TNS1: variants seen among roughly 807,000 people sequenced by gnomAD.
TNS1 encodes tensin 1, also known as tensin-1.
TNS1 carries 62 observed loss-of-function variants against 168.6 expected under a neutral mutation model. That is an observed-to-expected ratio of 0.37 (90% confidence interval 0.30 to 0.45). The LOEUF (loss-of-function observed/expected upper bound fraction) is 0.45, where lower values mean the gene tolerates loss of function less well. Among genes scored for constraint, TNS1 ranks in the 20% least tolerant of loss-of-function variants. The pLI is 1.00. For missense variants in TNS1, 2,240 were observed against 2,339.4 expected (o/e 0.96, Z 0.88); for synonymous variants, 934 against 933.2 (o/e 1.00, Z -0.02).
chr2:217,912,515 G>A (rs1575056081), intron 4 of TNS1, among the ~76,000 whole-genome samples: 2 of 152,208 alleles, frequency 1.3e-5, no homozygotes, highest in African/African-American at 2.4e-5. Flanking sequence ...GGTCACCATC[G>A]CACTGCCTAT....
chr2:217,846,913 C>T (rs899951514), intron 19 of TNS1, among the ~76,000 whole-genome samples: 10 of 152,246 alleles, frequency 6.6e-5, no homozygotes, highest in South Asian at 2.1e-4. Flanking sequence ...GGCCTCCCCG[C>T]CCCAGCAGAT....
intron 3 of TNS1, among the ~76,000 whole-genome samples, chr2:217,972,043 C>T (rs531452518): frequency 9.2e-5 from 14 of 152,282 alleles, no homozygotes; most frequent in African/African-American, 3.4e-4. Flanking sequence ...TAGGAGAAGG[C>T]CAGAAGAATA....
upstream of TNS1, among the ~76,000 whole-genome samples, chr2:218,014,400 C>T (rs1269983510): frequency 6.6e-6 from 1 of 152,190 alleles, no homozygotes; most frequent in African/African-American, 2.4e-5. Context: ...AACTTCCAAG[C>T]AGGTTCCCAG....
At chr2:217,922,500 C>T (rs996979057) in intron 3 of TNS1, among the ~76,000 whole-genome samples, 1 of 152,216 alleles carries the variant, frequency 6.6e-6, no homozygotes, top group Admixed American at 6.5e-5. Context: ...CCTGCCACTG[C>T]CAGGGCCCCA....
chr2:217,873,456 G>T (rs1484100588), intron 18 of TNS1, among the ~76,000 whole-genome samples: 4 of 152,204 alleles, frequency 2.6e-5, no homozygotes, highest in Non-Finnish European at 4.4e-5. Context: ...AAAGACAGGG[G>T]CCTAACTGTG....
In TNS1 at chr2:217,810,245, C is replaced by G. The variant is rs540000269; in HGVS notation, c.5104+3G>C. The G allele has an allele frequency of 2.0e-5, 33 of 1,613,896 alleles. No homozygotes were observed. In the South Asian group the frequency reaches 3.4e-4, roughly 17 times the overall value. On this transcript the variant is annotated splice_donor_region_variant and intron_variant, in intron 29 of 32. Transcript: ENST00000682258. ...ATGGGTACAGTTTCAGGTGACCACT[C>G]ACCTGCCCCTTGTTTCAGCAGGTCT...
chr2:217,813,612 C>G lies in TNS1; in HGVS notation c.4861+73G>C. On this transcript the variant is annotated intron_variant, in intron 26 of 32. Transcript: ENST00000682258. This position sits in a 1 kb window ranked among gnomAD's most constrained non-coding sequence, Gnocchi z 4.0. ...AAGGTCCTGCCCAGCACCCTGGGTC[C>G]CTCCAGCACCTCCAGGTTTAGCGAC... 3 of 1,528,630 alleles carry G rather than the reference C, an allele frequency of 2.0e-6. No individual in the cohort carries two copies. In the Admixed American group the frequency reaches 6.3e-5, roughly 32 times the overall value. 94.7% of individuals were successfully genotyped at this position (1,528,630 alleles called of 1,614,324 possible).
intron 3 of TNS1, among the ~76,000 whole-genome samples, chr2:217,976,865 G>A (rs1448038987): frequency 6.6e-6 from 1 of 152,212 alleles, no homozygotes; most frequent in Non-Finnish European, 1.5e-5. Flanking sequence ...TGGCAGGCAA[G>A]GATGGAGAAA....
chr2:217,966,039 C>T (rs1286449740), intron 3 of TNS1, among the ~76,000 whole-genome samples: 1 of 152,172 alleles, frequency 6.6e-6, no homozygotes, highest in Non-Finnish European at 1.5e-5. Flanking sequence ...TCTCCATCTC[C>T]CATTTGCCCT....
At chr2:217,997,075 T>C (rs928328977) in intron 1 of TNS1, among the ~76,000 whole-genome samples, 1 of 152,030 alleles carries the variant, frequency 6.6e-6, no homozygotes, top group Non-Finnish European at 1.5e-5. Flanking sequence ...CTTGTCCAGC[T>C]TCTAGGCACA....
At chr2:217,936,721 GA>G (rs1559374788) in intron 3 of TNS1, among the ~76,000 whole-genome samples, 1 of 151,918 alleles carries the variant, frequency 6.6e-6, no homozygotes, top group Non-Finnish European at 1.5e-5. Flanking sequence ...CCCCCATCTT[GA>G]GCCCCAAGCA....
At chr2:217,886,168 G>T in intron 13 of TNS1, 64 bp from the exon 14 acceptor site, 1 of 1,540,918 alleles carries the variant, frequency 6.5e-7, no homozygotes, top group Non-Finnish European at 9.0e-7. Flanking sequence ...GGGCAGAGGA[G>T]ACAGTGAAGG....
In TNS1 at chr2:218,032,327, A is replaced by AAGGAGGAGGACAGCCTGCTTGTGG. The variant is rs1958905061; in HGVS notation, c.156+1469_156+1492dup. Among the ~76,000 whole-genome samples, 3 of 152,038 alleles carry AAGGAGGAGGACAGCCTGCTTGTGG rather than the reference A, an allele frequency of 2.0e-5. No individual in the cohort carries two copies. Among genetic ancestry groups the AAGGAGGAGGACAGCCTGCTTGTGG allele is most frequent in the Non-Finnish European group, 2.9e-5 (2 of 67,970 alleles). On this transcript the variant is annotated intron_variant, in intron 1 of 1. Coordinates refer to the TNS1 transcript ENST00000649572. This position sits in a 1 kb window ranked among gnomAD's most constrained non-coding sequence, Gnocchi z 4.0. ...CCTGGGGGACAAGGCAGTCCAGGAGAAGGAGGAGGACAGCCTGCTTGTGGA... is the reference window on the plus strand; with the variant it reads ...CCTGGGGGACAAGGCAGTCCAGGAGAAGGAGGAGGACAGCCTGCTTGTGGAGGAGGAGGACAGCCTGCTTGTGGA...
chr2:217,969,796 T>A (rs1341459535), intron 3 of TNS1, among the ~76,000 whole-genome samples: 1 of 152,174 alleles, frequency 6.6e-6, no homozygotes, highest in Non-Finnish European at 1.5e-5. Flanking sequence ...TTGACAAGGA[T>A]GTGGAAAAAT....
At chr2:217,849,774 G>A (rs1037599735) in intron 18 of TNS1, 5 of 985,302 alleles carry the variant, frequency 5.1e-6, no homozygotes, top group Middle Eastern at 5.2e-4. Context: ...CAGCATGGAC[G>A]GCCAGTCGCC....
upstream of TNS1, among the ~76,000 whole-genome samples, chr2:218,006,235 G>C (rs1958655928): frequency 2.6e-5 from 4 of 152,372 alleles, no homozygotes; most frequent in Non-Finnish European, 5.9e-5. Flanking sequence ...AGAAGGAAGG[G>C]TGAGTGTGGT....
chr2:218,012,715 C>G (rs1958716639), upstream of TNS1, among the ~76,000 whole-genome samples: 1 of 152,098 alleles, frequency 6.6e-6, no homozygotes, highest in African/African-American at 2.4e-5. Context: ...GCCACAAGTA[C>G]TCTGTTCTGT....
chr2:217,993,411 G>A (rs776860430), intron 1 of TNS1, among the ~76,000 whole-genome samples: 5 of 152,186 alleles, frequency 3.3e-5, no homozygotes, highest in Non-Finnish European at 7.3e-5. Flanking sequence ...TCACTGCAAC[G>A]GTAATGGGAT....
chr2:217,958,366 T>C (rs1957415942), intron 3 of TNS1, among the ~76,000 whole-genome samples: 2 of 152,218 alleles, frequency 1.3e-5, no homozygotes, highest in South Asian at 4.1e-4. Context: ...CACACGGCAG[T>C]CACGCACCCT....
Sources: gnomAD v4.1 joint callset for allele counts (sites outside exome capture counted in the v4.1 genomes callset) on GRCh38, gnomAD v4.1.1 for gene constraint, Gnocchi (gnomAD v3.1) non-coding constraint, MANE v1.5 for transcripts, NCBI Gene and HGNC (gene_info 2026-07-23, HGNC 2026-07-21) for gene names.